Variants in ADCY2 observed in about 807,000 individuals in gnomAD.
The protein encoded by ADCY2 is adenylate cyclase type 2.
Under a neutral mutation model 125.2 loss-of-function variants are expected in ADCY2, and 31 were observed. That is an observed-to-expected ratio of 0.25 (90% CI 0.19 to 0.33). ADCY2 has a LOEUF of 0.33. Ranked by LOEUF, ADCY2 falls within the 10% of genes least tolerant of loss-of-function variation. ADCY2 has a pLI of 1.00. For synonymous variants in ADCY2, 512 were observed against 548.4 expected (o/e 0.93, Z 0.93); for missense variants, 904 against 1,418.2 (o/e 0.64, Z 5.82).
At chr5:7,733,379 T>C (rs1742162321) in intron 14 of ADCY2, among the ~76,000 whole-genome samples, 4 of 152,142 alleles carry the variant, frequency 2.6e-5, no homozygotes, top group East Asian at 1.9e-4. Flanking sequence ...CGGGATTAGA[T>C]ATAAGGAGTT....
At chr5:7,704,827 G>A (rs1267564667) in intron 7 of ADCY2, among the ~76,000 whole-genome samples, 2 of 150,022 alleles carry the variant, frequency 1.3e-5, no homozygotes, top group Non-Finnish European at 2.9e-5. Flanking sequence ...GCAGTGAGCC[G>A]AGATCACGCC....
intron 3 of ADCY2, among the ~76,000 whole-genome samples, chr5:7,591,949 T>C (rs1459618276): frequency 6.6e-6 from 1 of 152,252 alleles, no homozygotes; most frequent in Non-Finnish European, 1.5e-5. Flanking sequence ...ATCCATAGCA[T>C]TGTTTTCCTT....
At chr5:7,777,048 C>A (rs1306907423) in intron 18 of ADCY2, among the ~76,000 whole-genome samples, 2 of 128,834 alleles carry the variant, frequency 1.6e-5, no homozygotes, top group East Asian at 3.9e-4. Flanking sequence ...CGGTAATAAA[C>A]TCCCTTCTAT....
intron 9 of ADCY2, 168 bp downstream of exon 9, chr5:7,708,006 A>G: frequency 1.4e-6 from 1 of 723,090 alleles, no homozygotes; most frequent in Non-Finnish European, 2.2e-6. Flanking sequence ...TGTAATTATG[A>G]ATTCAAATAC....
chr5:7,578,915 G>T (rs961294032), intron 3 of ADCY2, among the ~76,000 whole-genome samples: 1 of 152,134 alleles, frequency 6.6e-6, no homozygotes, highest in Admixed American at 6.5e-5. Flanking sequence ...CCCAGACAGC[G>T]TGCTGGGTTA....
chr5:7,505,033 A>G (rs1743754375), intron 2 of ADCY2, among the ~76,000 whole-genome samples: 1 of 151,330 alleles, frequency 6.6e-6, no homozygotes, highest in Non-Finnish European at 1.5e-5. Flanking sequence ...GCACACCACC[A>G]TGCCTTTCTG....
intron 1 of ADCY2, among the ~76,000 whole-genome samples, chr5:7,399,257 T>G (rs1739175986): frequency 6.6e-6 from 1 of 152,224 alleles, no homozygotes; most frequent in Admixed American, 6.5e-5. Flanking sequence ...GCAATCTGCT[T>G]AAAGCACATC....
intron 3 of ADCY2, among the ~76,000 whole-genome samples, chr5:7,603,546 G>A (rs1737286945): frequency 6.6e-6 from 1 of 152,164 alleles, no homozygotes; most frequent in Non-Finnish European, 1.5e-5. Flanking sequence ...GAATGTGGTG[G>A]TGTAACCACC....
intron 4 of ADCY2, among the ~76,000 whole-genome samples, chr5:7,681,288 G>A (rs1324704445): frequency 6.6e-6 from 1 of 152,092 alleles, no homozygotes; most frequent in East Asian, 1.9e-4. Context: ...ACATCTCTTG[G>A]TATCAACTAC....
chr5:7,740,201 T>C (rs990058120), intron 14 of ADCY2, among the ~76,000 whole-genome samples: 2 of 151,898 alleles, frequency 1.3e-5, no homozygotes, highest in Admixed American at 6.6e-5. Flanking sequence ...ATAAAGGAAA[T>C]ATCAATAATA....
At chr5:7,533,497 T>C (rs1375160351) in intron 3 of ADCY2, among the ~76,000 whole-genome samples, 2 of 152,120 alleles carry the variant, frequency 1.3e-5, no homozygotes, top group East Asian at 3.8e-4. Flanking sequence ...ATTAATGTTT[T>C]CATTTTGGTT....
chr5:7,421,729 G>T (rs527622347), intron 2 of ADCY2, among the ~76,000 whole-genome samples: 1 of 152,282 alleles, frequency 6.6e-6, no homozygotes, highest in East Asian at 1.9e-4. Flanking sequence ...CTCCTTCTTA[G>T]ATTTGGAAAT....
intron 3 of ADCY2, among the ~76,000 whole-genome samples, chr5:7,614,784 C>T (rs939064140): frequency 6.6e-6 from 1 of 152,222 alleles, no homozygotes; most frequent in Non-Finnish European, 1.5e-5. Flanking sequence ...TGTGCCAGGA[C>T]ACAGGTTTGC....
chr5:7,566,330 A>T (rs543146980), intron 3 of ADCY2, among the ~76,000 whole-genome samples: 184 of 152,070 alleles, frequency 1.2e-3, no homozygotes, highest in Non-Finnish European at 2.1e-3. Context: ...TACAAAAATT[A>T]AAAAAAATTA....
Position 7,808,904 on chromosome 5 carries a change from G to A in ADCY2, c.2883+4212G>A, listed in dbSNP as rs191606443. Among the ~76,000 whole-genome samples the A allele has an allele frequency of 1.3e-3, 203 of 152,330 alleles. 1 individual carries two copies. Among genetic ancestry groups the A allele is most frequent in the East Asian group, 3.1e-3 (16 of 5,190 alleles). ...ACTGACTTCAAACCCAGCCACTGTTGTTAACACATGACTGTTTTCAGGGTA... is the reference window on the plus strand; with the variant it reads ...ACTGACTTCAAACCCAGCCACTGTTATTAACACATGACTGTTTTCAGGGTA... On this transcript the variant is annotated intron_variant, in intron 22 of 24. Transcript: ENST00000338316.
chr5:7,589,515 G>GA (rs1196660906), intron 3 of ADCY2, among the ~76,000 whole-genome samples: 7 of 54,140 alleles, frequency 1.3e-4, no homozygotes, highest in Non-Finnish European at 2.8e-4. Flanking sequence ...AGAAAGAAAA[G>GA]AAAAGAAAGA....
chr5:7,672,018 C>G (rs1048773164), intron 4 of ADCY2, among the ~76,000 whole-genome samples: 10 of 152,094 alleles, frequency 6.6e-5, no homozygotes, highest in African/African-American at 2.4e-4. Flanking sequence ...TCTCTGATGG[C>G]TGCTATCTCA....
At chr5:7,589,506 G>GAAAGAAAAGAAAAGAAAAGAAAAGA (rs398108564) in intron 3 of ADCY2, among the ~76,000 whole-genome samples, 2 of 93,838 alleles carry the variant, frequency 2.1e-5, no homozygotes, top group South Asian at 4.3e-4. Flanking sequence ...AAGAAAGAAA[G>GAAAGAAAAGAAAAGAAAAGAAAAGA]AAAGAAAAGA....
chr5:7,767,607 C>A (rs977614858), intron 17 of ADCY2, among the ~76,000 whole-genome samples: 7 of 152,164 alleles, frequency 4.6e-5, no homozygotes, highest in African/African-American at 1.7e-4. Context: ...ACTCCGTTAG[C>A]TTTGGCAATA....
Sources: allele counts gnomAD v4.1 joint callset (sites outside exome capture counted in the v4.1 genomes callset), GRCh38; gene constraint gnomAD v4.1.1; transcripts MANE v1.5; gene names NCBI Gene and HGNC (gene_info 2026-07-23, HGNC 2026-07-21).